The following LYPLAL1 variants were observed in gnomAD, a reference collection of about 807,000 sequenced individuals.
LYPLAL1 encodes lysophospholipase like 1, also known as lysophospholipase-like protein 1.
In LYPLAL1, 23 loss-of-function variants were observed where a neutral mutation model predicts 19.7. The observed-to-expected ratio is 1.17, with a 90% CI of 0.84 to 1.65. LYPLAL1 has a LOEUF of 1.65. Ranked by LOEUF, LYPLAL1 falls within the 40% of genes most tolerant of loss-of-function variation. The pLI is 0.00. For synonymous variants in LYPLAL1, 119 were observed against 96.3 expected (o/e 1.24, Z -1.38); for missense variants, 355 against 279.4 (o/e 1.27, Z -1.93).
At chr1:219,363,949 A>T in the LYPLAL1 span, among the ~76,000 whole-genome samples, 2 of 152,156 alleles carry the variant, frequency 1.3e-5, no homozygotes, top group African/African-American at 4.8e-5. Context: ...GAAATGTGGT[A>T]TGATTCTATG....
the LYPLAL1 span, among the ~76,000 whole-genome samples, chr1:219,373,153 G>A: frequency 6.6e-6 from 1 of 152,202 alleles, no homozygotes. Flanking sequence ...CCACATTGGT[G>A]TGCGTACATG....
the LYPLAL1 span, among the ~76,000 whole-genome samples, chr1:219,263,392 C>T: frequency 6.6e-6 from 1 of 152,110 alleles, no homozygotes; most frequent in Non-Finnish European, 1.5e-5. Flanking sequence ...GCATGCAGGG[C>T]TCAGATCTTG....
chr1:219,229,344 A>G, the LYPLAL1 span, among the ~76,000 whole-genome samples: 2 of 148,796 alleles, frequency 1.3e-5, no homozygotes, highest in Admixed American at 6.7e-5. Context: ...AGAGACACGC[A>G]GGCTACCGAA....
At chr1:219,331,158 A>G in the LYPLAL1 span, among the ~76,000 whole-genome samples, 2 of 152,150 alleles carry the variant, frequency 1.3e-5, no homozygotes, top group East Asian at 3.9e-4. Flanking sequence ...ACTTGGTAAT[A>G]TAGATATCTC....
At chr1:219,303,512 T>C in the LYPLAL1 span, among the ~76,000 whole-genome samples, 1 of 152,208 alleles carries the variant, frequency 6.6e-6, no homozygotes, top group African/African-American at 2.4e-5. Context: ...TGGTTGTTTC[T>C]TGTCACCCAG....
chr1:219,361,031 A>G, the LYPLAL1 span, among the ~76,000 whole-genome samples: 4 of 152,210 alleles, frequency 2.6e-5, no homozygotes, highest in Admixed American at 6.5e-5. Context: ...TTCACACACA[A>G]CAAAATACTC....
chr1:219,377,484 G>A, the LYPLAL1 span, among the ~76,000 whole-genome samples: 1 of 152,026 alleles, frequency 6.6e-6, no homozygotes, highest in African/African-American at 2.4e-5. Context: ...TGTTAAAATG[G>A]TCAATTTTAT....
At chr1:219,326,597 T>C in the LYPLAL1 span, among the ~76,000 whole-genome samples, 20 of 152,182 alleles carry the variant, frequency 1.3e-4, no homozygotes, top group Non-Finnish European at 2.2e-4. Flanking sequence ...AAATTCCTTC[T>C]ACCTATTTGA....
At chr1:219,306,065 A>G in the LYPLAL1 span, among the ~76,000 whole-genome samples, 32 of 152,294 alleles carry the variant, frequency 2.1e-4, no homozygotes, top group African/African-American at 7.7e-4. Context: ...ACAGACAATG[A>G]ACTCCATACA....
At chr1:219,421,865 A>G in the LYPLAL1 span, among the ~76,000 whole-genome samples, 12 of 152,326 alleles carry the variant, frequency 7.9e-5, no homozygotes, top group African/African-American at 2.6e-4. Context: ...AAGTTAAAGG[A>G]TTACTTTAAC....
At chr1:219,427,198 T>A in the LYPLAL1 span, among the ~76,000 whole-genome samples, 1 of 152,222 alleles carries the variant, frequency 6.6e-6, no homozygotes, top group Non-Finnish European at 1.5e-5. Flanking sequence ...CTTCAACATG[T>A]TATGTATCAA....
chr1:219,179,322 T>G, intron 2 of LYPLAL1, 76 bp downstream of exon 2: 1 of 1,045,802 alleles, frequency 9.6e-7, no homozygotes, highest in East Asian at 2.6e-5. Context: ...GCCAGCTAGG[T>G]GTTCTTTAAG....
the LYPLAL1 span, among the ~76,000 whole-genome samples, chr1:219,268,461 G>C: frequency 1.3e-5 from 2 of 152,186 alleles, no homozygotes; most frequent in African/African-American, 4.8e-5. Context: ...GGAGGTGGAG[G>C]AAATGGGCTG....
the LYPLAL1 span, among the ~76,000 whole-genome samples, chr1:219,376,632 T>A: frequency 4.6e-5 from 7 of 152,152 alleles, no homozygotes; most frequent in Non-Finnish European, 1.0e-4. Context: ...ACTAACAACC[T>A]GATTTAAAAA....
At chr1:219,439,959 C>CTATATATATATATATATA in the LYPLAL1 span, among the ~76,000 whole-genome samples, 155 of 131,470 alleles carry the variant, frequency 1.2e-3, 6 homozygotes, top group African/African-American at 4.7e-3. Context: ...ACAAAACTGA[C>CTATATATATATATATATA]TATATATATA....
chr1:219,213,513 T>C (rs1005100475), downstream of LYPLAL1, among the ~76,000 whole-genome samples: 2 of 152,024 alleles, frequency 1.3e-5, no homozygotes, highest in African/African-American at 4.8e-5. Flanking sequence ...TGGGGAGAAT[T>C]TGCATCCTTA....
chr1:219,227,630 T>C, the LYPLAL1 span, among the ~76,000 whole-genome samples: 2 of 152,132 alleles, frequency 1.3e-5, no homozygotes, highest in Admixed American at 1.3e-4. Flanking sequence ...ACAGGAGTGT[T>C]TTTAGATTGC....
chr1:219,195,384 C>T (rs1657522660), intron 3 of LYPLAL1, among the ~76,000 whole-genome samples: 1 of 151,284 alleles, frequency 6.6e-6, no homozygotes, highest in African/African-American at 2.4e-5. Context: ...GGTGTGGTGG[C>T]AATAGGAAAA....
At chr1:219,394,751 C>T in the LYPLAL1 span, among the ~76,000 whole-genome samples, 1 of 152,120 alleles carries the variant, frequency 6.6e-6, no homozygotes, top group African/African-American at 2.4e-5. Flanking sequence ...TAGTACTCAT[C>T]AGTTATTTTT....
Sources: gnomAD v4.1 joint callset for allele counts (sites outside exome capture counted in the v4.1 genomes callset) on GRCh38, gnomAD v4.1.1 for gene constraint, MANE v1.5 for transcripts, NCBI Gene and HGNC (gene_info 2026-07-23, HGNC 2026-07-21) for gene names.